Variants in OSBPL1A observed in about 807,000 individuals in gnomAD.
OSBPL1A encodes the protein oxysterol binding protein like 1A.
OSBPL1A carries 80 observed loss-of-function variants against 137.1 expected under a neutral mutation model. That is an observed-to-expected ratio of 0.58 (90% CI 0.49 to 0.70). The LOEUF is 0.70. Among genes scored for constraint, OSBPL1A ranks in the 30% least tolerant of loss-of-function variants. The probability of loss-of-function intolerance (pLI) is 0.00; values close to 1 mark genes in which losing one functional copy is unlikely to be tolerated. For synonymous variants in OSBPL1A, 365 were observed against 389.7 expected, an observed-to-expected ratio of 0.94 and a Z score of 0.75; for missense variants, 970 against 1,129.4, an observed-to-expected ratio of 0.86 and a Z score of 2.02.
chr18:24,362,616 C>T (rs115435813), intron 4 of OSBPL1A, among the ~76,000 whole-genome samples: 2 of 152,108 alleles, frequency 1.3e-5, no homozygotes, highest in African/African-American at 4.8e-5. Flanking sequence ...CACGTGCTTA[C>T]GAAATAACCT....
rs55937820 is a variant in OSBPL1A at position 24,333,205 on chromosome 18, C to T, written c.481-119G>A. Reference sequence around the variant, plus strand: ...ATAGCCAAGCTCCTTGGCATCCAGGCTGTTAGTGGTTTCTTGCTCACTAAA... The same window carrying T: ...ATAGCCAAGCTCCTTGGCATCCAGGTTGTTAGTGGTTTCTTGCTCACTAAA... On this transcript the variant is annotated intron_variant, in intron 6 of 27. Coordinates refer to ENST00000319481, the MANE Select transcript of OSBPL1A (RefSeq NM_080597.4). 3.7e-3 allele frequency: 4,211 copies of T among 1,139,244 alleles called. 98 individuals carry two copies. In the African/African-American group the frequency reaches 0.06, roughly 16 times the overall value. 70.6% of individuals were successfully genotyped at this position (1,139,244 alleles called of 1,614,324 possible).
rs575855719 is a variant in OSBPL1A, at chr18:24,363,478, G to C, written c.282+3414C>G. On this transcript the variant is annotated intron_variant, in intron 4 of 27. Transcript: ENST00000319481. ...TTTTTTTTTTTTGAGATAGAATCTC[G>C]CTGTGTTGTCCAGGCTGGAATACAG... 4.7e-5 allele frequency among the ~76,000 whole-genome samples: 6 copies of C among 126,496 alleles called. No individual in the cohort carries two copies. In the East Asian group the frequency reaches 1.3e-3, roughly 28 times the overall value. 83.0% of individuals were successfully genotyped at this position (126,496 alleles called of 152,430 possible).
At chr18:24,378,291 A>T (rs2146206091) in intron 1 of OSBPL1A, among the ~76,000 whole-genome samples, 1 of 152,372 alleles carries the variant, frequency 6.6e-6, no homozygotes, top group South Asian at 2.1e-4. Flanking sequence ...AAGACAAGAA[A>T]CAATGCTGGC....
At chr18:24,175,924 C>A (rs1197456840) in intron 21 of OSBPL1A, among the ~76,000 whole-genome samples, 1 of 152,200 alleles carries the variant, frequency 6.6e-6, no homozygotes, top group African/African-American at 2.4e-5. Flanking sequence ...ATTGCCTTTG[C>A]AGCTTTGTCA....
chr18:24,349,599 G>A (rs1314555756), intron 4 of OSBPL1A, among the ~76,000 whole-genome samples: 1 of 152,148 alleles, frequency 6.6e-6, no homozygotes, highest in Non-Finnish European at 1.5e-5. Context: ...ATTGAAGTGA[G>A]CCCTCAAAAG....
At chr18:24,204,395 A>T (rs2087309968) in intron 17 of OSBPL1A, among the ~76,000 whole-genome samples, 1 of 151,860 alleles carries the variant, frequency 6.6e-6, no homozygotes, top group Non-Finnish European at 1.5e-5. Flanking sequence ...TTTAGTAAGA[A>T]TTTTTTTTGT....
chr18:24,383,472 A>G (rs1375391078), intron 1 of OSBPL1A, among the ~76,000 whole-genome samples: 1 of 152,252 alleles, frequency 6.6e-6, no homozygotes. Context: ...AAATAAATCT[A>G]TTGGGCCGGG....
intron 22 of OSBPL1A, 64 bp downstream of exon 22, chr18:24,172,312 T>C: frequency 8.6e-7 from 1 of 1,163,816 alleles, no homozygotes; most frequent in South Asian, 1.3e-5. Context: ...ACAAAAAAAC[T>C]GATGTCCACT....
At chr18:24,220,524 C>T (rs1217309780) in intron 17 of OSBPL1A, among the ~76,000 whole-genome samples, 1 of 152,190 alleles carries the variant, frequency 6.6e-6, no homozygotes, top group Non-Finnish European at 1.5e-5. Context: ...TCCCTCCAGC[C>T]CCCAGCCCTC....
intron 14 of OSBPL1A, among the ~76,000 whole-genome samples, chr18:24,285,496 TA>T (rs1237429074): frequency 6.6e-6 from 1 of 152,224 alleles, no homozygotes; most frequent in Non-Finnish European, 1.5e-5. Context: ...TTTTGTTTTT[TA>T]CTTGTGGCAC....
intron 18 of OSBPL1A, among the ~76,000 whole-genome samples, chr18:24,185,117 T>C (rs952655993): frequency 2.0e-5 from 3 of 152,144 alleles, no homozygotes; most frequent in African/African-American, 2.4e-5. Context: ...GACGAAACTA[T>C]GGAGACAGTA....
intron 14 of OSBPL1A, among the ~76,000 whole-genome samples, chr18:24,296,018 AT>A (rs986711710): frequency 6.6e-6 from 1 of 151,506 alleles, no homozygotes; most frequent in Admixed American, 6.6e-5. Context: ...GAGTTTTAAG[AT>A]TTTTTTTCTA....
rs532360867 is a variant in OSBPL1A at position 24,352,961 on chromosome 18, C to A, written c.283-11303G>T. Among the ~76,000 whole-genome samples, 102 of 152,148 alleles carry A rather than the reference C, an allele frequency of 6.7e-4. No individual in the cohort carries two copies. In the Middle Eastern group the frequency reaches 0.01, roughly 15 times the overall value. On this transcript the variant is annotated intron_variant, in intron 4 of 27. Transcript: ENST00000319481. The stretch of plus-strand genomic sequence containing the variant: ...CATGTTAAACCTAAAACCATAAAAA[C>A]CCTAGTAAGAAAACCTAGGCAATAC...
At chr18:24,368,958 G>A (rs568702357) in intron 2 of OSBPL1A, among the ~76,000 whole-genome samples, 1 of 152,244 alleles carries the variant, frequency 6.6e-6, no homozygotes, top group Admixed American at 6.5e-5. Flanking sequence ...TGCTATTCTC[G>A]TGACAGTGAG....
chr18:24,236,216 G>C (rs536734853), intron 16 of OSBPL1A, among the ~76,000 whole-genome samples: 1 of 152,302 alleles, frequency 6.6e-6, no homozygotes, highest in South Asian at 2.1e-4. Flanking sequence ...TTTCAAGTTA[G>C]TATTTAGTTA....
intron 7 of OSBPL1A, among the ~76,000 whole-genome samples, chr18:24,327,956 G>T (rs1333293087): frequency 6.7e-6 from 1 of 148,312 alleles, no homozygotes; most frequent in Non-Finnish European, 1.5e-5. Context: ...CTACATTTTT[G>T]AAGGAAAAAT....
chr18:24,165,209 G>GCA (rs1239751134), intron 26 of OSBPL1A, 54 bp from the exon 27 acceptor site: 3 of 1,491,136 alleles, frequency 2.0e-6, no homozygotes, highest in Non-Finnish European at 2.8e-6. Flanking sequence ...AGGATGCCAG[G>GCA]CACAGTATTA....
chr18:24,294,435 T>C (rs1368526794), intron 14 of OSBPL1A, among the ~76,000 whole-genome samples: 2 of 152,138 alleles, frequency 1.3e-5, no homozygotes, highest in African/African-American at 2.4e-5. Flanking sequence ...GGTTTCACCA[T>C]GTTGGCCAGG....
chr18:24,338,210 C>T (rs2091211504), intron 5 of OSBPL1A, among the ~76,000 whole-genome samples: 1 of 151,266 alleles, frequency 6.6e-6, no homozygotes, highest in South Asian at 2.1e-4. Context: ...GTAGCTGGGA[C>T]TACAAGCACT....
Sources: gnomAD v4.1 joint callset for allele counts (sites outside exome capture counted in the v4.1 genomes callset) on GRCh38, gnomAD v4.1.1 for gene constraint, MANE v1.5 for transcripts, NCBI Gene and HGNC (gene_info 2026-07-23, HGNC 2026-07-21) for gene names.